SGCD: variants seen among roughly 807,000 people sequenced by gnomAD.
The protein encoded by SGCD is delta-sarcoglycan.
A neutral mutation model predicts 36.6 loss-of-function variants in SGCD; 18 were observed. The observed-to-expected ratio is 0.49, with a 90% CI of 0.34 to 0.73. The LOEUF is 0.73. Ranked by LOEUF, SGCD falls within the 30% of genes least tolerant of loss-of-function variation. The probability of loss-of-function intolerance (pLI) is 0.01; values close to 1 mark genes in which losing one functional copy is unlikely to be tolerated. For synonymous variants in SGCD, 133 were observed against 130.6 expected, an observed-to-expected ratio of 1.02 and a Z score of -0.12; for missense variants, 387 against 346.7, an observed-to-expected ratio of 1.12 and a Z score of -0.92.
intron 1 of SGCD, among the ~76,000 whole-genome samples, chr5:155,909,407 T>A (rs1366634712): frequency 2.0e-5 from 3 of 152,176 alleles, no homozygotes; most frequent in Admixed American, 2.0e-4. Context: ...TATCTATAAA[T>A]AACTATCATT....
chr5:155,781,518 G>C, the SGCD span, among the ~76,000 whole-genome samples: 1 of 152,162 alleles, frequency 6.6e-6, no homozygotes, highest in Non-Finnish European at 1.5e-5. Flanking sequence ...CTGGTGTGCA[G>C]TGGCATGATC....
intron 7 of SGCD, among the ~76,000 whole-genome samples, chr5:156,687,308 C>T (rs753737354): frequency 5.9e-5 from 9 of 152,132 alleles, no homozygotes; most frequent in Non-Finnish European, 1.2e-4. Context: ...GGGATGGAGG[C>T]GGTCTAAAAA....
At chr5:155,984,364 T>C (rs758456524) in intron 1 of SGCD, among the ~76,000 whole-genome samples, 14 of 152,152 alleles carry the variant, frequency 9.2e-5, no homozygotes, top group Non-Finnish European at 2.1e-4. Context: ...TGATCTAAAA[T>C]GTGGAGGAGA....
the SGCD span, among the ~76,000 whole-genome samples, chr5:155,768,847 C>A: frequency 1.4e-4 from 21 of 152,138 alleles, no homozygotes; most frequent in Admixed American, 1.4e-3. Flanking sequence ...CCTCGATGTC[C>A]TTTTCAGATC....
At chr5:156,555,215 T>G (rs9686475) in intron 4 of SGCD, among the ~76,000 whole-genome samples, 39,955 of 152,022 alleles carry the variant, frequency 0.26, 5,460 homozygotes, top group Non-Finnish European at 0.31. Context: ...GAAGTGTTTT[T>G]ATTTTTGATG....
At chr5:156,344,342 A>C (rs1216706615) in intron 2 of SGCD, 147 bp from the exon 3 acceptor site, 1 of 575,848 alleles carries the variant, frequency 1.7e-6, no homozygotes, top group Non-Finnish European at 2.9e-6. Flanking sequence ...TGTCCAGAGG[A>C]AACAGATTTT....
intron 3 of SGCD, among the ~76,000 whole-genome samples, chr5:156,321,146 G>T (rs1037977628): frequency 5.3e-5 from 8 of 152,174 alleles, no homozygotes; most frequent in African/African-American, 1.9e-4. Context: ...ACGGCTGGGC[G>T]CAGTGGCTCA....
At chr5:156,300,152 T>G (rs2127683821) in intron 3 of SGCD, among the ~76,000 whole-genome samples, 1 of 152,288 alleles carries the variant, frequency 6.6e-6, no homozygotes, top group East Asian at 1.9e-4. Context: ...GGATGTTGAA[T>G]TCTATCAAAT....
intron 1 of SGCD, among the ~76,000 whole-genome samples, chr5:155,980,363 A>G (rs1045449425): frequency 4.6e-5 from 7 of 151,860 alleles, no homozygotes; most frequent in African/African-American, 1.7e-4. Context: ...AGGCGGGCGG[A>G]TCATGAGGTC....
intron 3 of SGCD, among the ~76,000 whole-genome samples, chr5:156,125,028 T>C (rs1762137558): frequency 6.6e-6 from 1 of 152,026 alleles, no homozygotes; most frequent in Admixed American, 6.6e-5. Context: ...CTGTAGAGAG[T>C]AGTAGGATTG....
chr5:156,081,136 T>C (rs1760940896), intron 1 of SGCD, among the ~76,000 whole-genome samples: 1 of 152,018 alleles, frequency 6.6e-6, no homozygotes, highest in South Asian at 2.1e-4. Flanking sequence ...TGGTGGAAGG[T>C]AAAGAGGGAG....
chr5:155,837,576 G>C, the SGCD span, among the ~76,000 whole-genome samples: 4 of 152,192 alleles, frequency 2.6e-5, no homozygotes, highest in Non-Finnish European at 5.9e-5. Context: ...TTTACACAAA[G>C]AGGGACATAA....
chr5:156,591,041 T>C (rs1760704864), intron 5 of SGCD, among the ~76,000 whole-genome samples: 1 of 141,446 alleles, frequency 7.1e-6, no homozygotes, highest in Non-Finnish European at 1.5e-5. Flanking sequence ...AAAACATCAT[T>C]CTAAACACAC....
chr5:156,508,031 G>C (rs1166315447), intron 3 of SGCD, among the ~76,000 whole-genome samples: 1 of 152,122 alleles, frequency 6.6e-6, no homozygotes, highest in Non-Finnish European at 1.5e-5. Context: ...GCCATAAATT[G>C]ATAATCGCTG....
At chr5:156,430,490 C>G (rs1007332637) in intron 3 of SGCD, among the ~76,000 whole-genome samples, 16 of 151,956 alleles carry the variant, frequency 1.1e-4, no homozygotes, top group African/African-American at 3.6e-4. Context: ...ATTGGAAATT[C>G]AGAGATTTCT....
intron 3 of SGCD, among the ~76,000 whole-genome samples, chr5:156,418,172 C>A (rs561476921): frequency 2.0e-5 from 3 of 152,120 alleles, no homozygotes; most frequent in Admixed American, 6.5e-5. Context: ...TGGAGGTCTT[C>A]GGACTCCCAA....
At chr5:155,829,865 C>G in the SGCD span, among the ~76,000 whole-genome samples, 1 of 152,146 alleles carries the variant, frequency 6.6e-6, no homozygotes, top group South Asian at 2.1e-4. Context: ...TATTACCAAC[C>G]AAGCATCATA....
chr5:156,051,987 C>T (rs2127581377), intron 1 of SGCD, among the ~76,000 whole-genome samples: 1 of 146,010 alleles, frequency 6.8e-6, no homozygotes, highest in Admixed American at 6.8e-5. Context: ...GGTTCTTGTC[C>T]ATCCCATGGC....
intron 4 of SGCD, among the ~76,000 whole-genome samples, chr5:156,526,225 G>T (rs1040277823): frequency 6.6e-6 from 1 of 152,040 alleles, no homozygotes; most frequent in Non-Finnish European, 1.5e-5. Flanking sequence ...AGATGAGAAA[G>T]TGTTAAGATT....
Sources: gnomAD v4.1 joint callset for allele counts (sites outside exome capture counted in the v4.1 genomes callset) on GRCh38, gnomAD v4.1.1 for gene constraint, MANE v1.5 for transcripts, NCBI Gene and HGNC (gene_info 2026-07-23, HGNC 2026-07-21) for gene names.